SPAG9: variants seen among roughly 807,000 people sequenced by gnomAD.
The protein encoded by SPAG9 is C-Jun-amino-terminal kinase-interacting protein 4.
In SPAG9, 35 loss-of-function variants were observed where a neutral mutation model predicts 166.5. The observed-to-expected ratio is 0.21, with a 90% CI of 0.16 to 0.28. The LOEUF (loss-of-function observed/expected upper bound fraction) is 0.28. Among genes scored for constraint, SPAG9 ranks in the 10% least tolerant of loss-of-function variants. The pLI is 1.00. For synonymous variants in SPAG9, 534 were observed against 565.5 expected, an observed-to-expected ratio of 0.94 and a Z score of 0.79; for missense variants, 1,235 against 1,603.3, an observed-to-expected ratio of 0.77 and a Z score of 3.92.
In SPAG9 at chr17:50,974,382, T is replaced by C. The variant is rs140170439; in HGVS notation, c.3700+389A>G. 4.4e-4 allele frequency among the ~76,000 whole-genome samples: 67 copies of C among 152,308 alleles called. No individual in the cohort carries two copies. In the East Asian group the frequency reaches 0.01, roughly 24 times the overall value. On this transcript the variant is annotated intron_variant, in intron 28 of 29. Coordinates refer to ENST00000262013, the MANE Select transcript of SPAG9 (RefSeq NM_001130528.3). ...CTCCTAGTTCACTGCTTTTTCCTAT[T>C]AAGCTGCTAAAGGTACCAGAGTGCA... is the stretch of plus-strand genomic sequence containing the variant.
chr17:51,029,698 G>C (rs553534872), intron 6 of SPAG9, among the ~76,000 whole-genome samples: 5 of 152,180 alleles, frequency 3.3e-5, no homozygotes, highest in Non-Finnish European at 1.5e-5. Flanking sequence ...ATTTATGTGC[G>C]GTATTTAATA....
At chr17:50,990,112 C>G (rs909779136) in intron 20 of SPAG9, 1 of 552,288 alleles carries the variant, frequency 1.8e-6, no homozygotes, top group Non-Finnish European at 3.2e-6. Flanking sequence ...ACTGCAAGCT[C>G]CACCTCCCAG....
At position 51,042,923 on chromosome 17, in the gene SPAG9, C is replaced by A. The variant is rs371178693; in HGVS notation, c.591-1272G>T. Among the ~76,000 whole-genome samples, 18 of 152,134 alleles carry A rather than the reference C, an allele frequency of 1.2e-4. No homozygotes were observed. The South Asian group carries it at 1.7e-3, about 14-fold the overall frequency. ...GTAGTTTTTGTTTGTTTGTGTCTTG[C>A]TGTGTTGCCCAGACTGAAGTACAGT... On this transcript the variant is annotated intron_variant, in intron 4 of 29. Transcript: ENST00000262013.
chr17:50,971,459 C>CTTTTTTTT (rs71353691), intron 28 of SPAG9, among the ~76,000 whole-genome samples: 2 of 89,872 alleles, frequency 2.2e-5, no homozygotes, highest in Non-Finnish European at 4.3e-5. Context: ...TTCAAACTAC[C>CTTTTTTTT]TTTTTTTTTT....
chr17:51,037,257 C>T (rs2046624474), intron 5 of SPAG9, among the ~76,000 whole-genome samples: 1 of 152,086 alleles, frequency 6.6e-6, no homozygotes, highest in Admixed American at 6.6e-5. Context: ...GCGCACACCA[C>T]CATGCCCAGC....
intron 28 of SPAG9, among the ~76,000 whole-genome samples, chr17:50,973,198 C>T (rs12451849): frequency 0.011 from 1,630 of 152,244 alleles, 52 homozygotes; most frequent in Admixed American, 0.073. Context: ...TCCAAAACCA[C>T]AAAACAATCA....
rs115709269 is a variant in SPAG9 at position 50,969,905 on chromosome 17, C to T, written c.3850+802G>A. Among the ~76,000 whole-genome samples, 1,193 of 152,274 alleles carry T rather than the reference C, an allele frequency of 7.8e-3. 15 individuals are homozygous for T. Among genetic ancestry groups the T allele is most frequent in the African/African-American group, 0.027 (1,119 of 41,554 alleles). On this transcript the variant is annotated intron_variant, in intron 29 of 29. Transcript: ENST00000262013. ...CATCAGTAACATTTTAATTTATTAA[C>T]ATGTCTCTATCTCTGCACTGTTCTA...
chr17:51,071,162 T>C (rs1467774782), intron 2 of SPAG9, among the ~76,000 whole-genome samples: 1 of 152,180 alleles, frequency 6.6e-6, no homozygotes, highest in Non-Finnish European at 1.5e-5. Context: ...CTAGGCATAC[T>C]GGACCAGTTT....
chr17:51,025,585 C>T (rs2046134624), intron 6 of SPAG9, among the ~76,000 whole-genome samples: 2 of 151,810 alleles, frequency 1.3e-5, no homozygotes. Context: ...GATGTATACT[C>T]GATTAAAAAA....
At chr17:51,024,689 G>A (rs2046084163) in intron 6 of SPAG9, among the ~76,000 whole-genome samples, 1 of 149,484 alleles carries the variant, frequency 6.7e-6, no homozygotes, top group South Asian at 2.1e-4. Flanking sequence ...CTCCAGTCTG[G>A]GCAAAAAGAG....
intron 9 of SPAG9, among the ~76,000 whole-genome samples, chr17:51,013,474 G>A (rs2045573547): frequency 6.6e-6 from 1 of 152,144 alleles, no homozygotes; most frequent in Non-Finnish European, 1.5e-5. Context: ...GTAGGCAAAG[G>A]CAACCACAGA....
intron 5 of SPAG9, among the ~76,000 whole-genome samples, chr17:51,033,027 T>C (rs928300911): frequency 4.6e-5 from 7 of 152,034 alleles, no homozygotes; most frequent in African/African-American, 1.7e-4. Flanking sequence ...GATGTGGTTT[T>C]TTTTTTTCCC....
chr17:51,002,008 C>CT (rs796261902), intron 12 of SPAG9, among the ~76,000 whole-genome samples, 163 bp from the exon 13 acceptor site: 1 of 151,862 alleles, frequency 6.6e-6, no homozygotes, highest in Non-Finnish European at 1.5e-5. Flanking sequence ...TCAACAAAGA[C>CT]TTTTTTTTAA....
chr17:51,041,438 T>C (rs2046835550), intron 5 of SPAG9, 63 bp downstream of exon 5: 1 of 1,488,964 alleles, frequency 6.7e-7, no homozygotes, highest in Non-Finnish European at 9.2e-7. Context: ...GTCTAGCACT[T>C]CAATTAGGAT....
intron 3 of SPAG9, among the ~76,000 whole-genome samples, chr17:51,053,854 A>ATATATATATATAT (rs1491529465): frequency 8.7e-5 from 3 of 34,446 alleles, no homozygotes; most frequent in East Asian, 1.3e-3. Flanking sequence ...AAAAAAAAAA[A>ATATATATATATAT]GTATATATAT....
intron 1 of SPAG9, among the ~76,000 whole-genome samples, chr17:51,102,156 G>A (rs2048824608): frequency 6.6e-6 from 1 of 151,938 alleles, no homozygotes; most frequent in Admixed American, 6.6e-5. Context: ...GCCAAGGTGG[G>A]CGAACTGCCT....
chr17:51,103,361 T>C (rs894611095), intron 1 of SPAG9, among the ~76,000 whole-genome samples: 21 of 152,146 alleles, frequency 1.4e-4, no homozygotes, highest in African/African-American at 5.1e-4. Flanking sequence ...TGTGGAAGGA[T>C]ATAAAATGTG....
At position 51,056,664 on chromosome 17, in the gene SPAG9, C is replaced by T. The variant is rs150046496; in HGVS notation, c.425-182G>A. 8.4e-3 allele frequency among the ~76,000 whole-genome samples: 1,272 copies of T among 152,182 alleles called. 38 individuals are homozygous for T. Among genetic ancestry groups the T allele is most frequent in the Non-Finnish European group, 5.6e-3 (381 of 68,014 alleles). ...ATCCTTAATAATGAAAACTTTCAGA[C>T]GAGCGGAATACCTTAGATTGGTTCT... On this transcript the variant is annotated intron_variant, in intron 2 of 29. Transcript: ENST00000262013.
intron 2 of SPAG9, among the ~76,000 whole-genome samples, chr17:51,061,716 C>T (rs993919146): frequency 2.0e-5 from 3 of 150,400 alleles, no homozygotes; most frequent in Admixed American, 6.6e-5. Context: ...ATGAATATGA[C>T]CATTGTTCAC....
Sources: allele counts gnomAD v4.1 joint callset (sites outside exome capture counted in the v4.1 genomes callset), GRCh38; gene constraint gnomAD v4.1.1; transcripts MANE v1.5; gene names NCBI Gene and HGNC (gene_info 2026-07-23, HGNC 2026-07-21).